The following PRKN variants were observed in gnomAD, a reference collection of about 807,000 sequenced individuals.
The protein encoded by PRKN is E3 ubiquitin-protein ligase parkin.
PRKN carries 56 observed loss-of-function variants against 59.5 expected under a neutral mutation model. The ratio of observed to expected loss-of-function variants is 0.94; its 90% CI spans 0.76 to 1.18. The LOEUF (loss-of-function observed/expected upper bound fraction) is 1.18, where lower values mean the gene tolerates loss of function less well. PRKN is among the 50% of genes most tolerant of loss of function. PRKN has a pLI of 0.00. For synonymous variants in PRKN, 250 were observed against 222.1 expected (o/e 1.13, Z -1.12); for missense variants, 657 against 596.4 (o/e 1.10, Z -1.06).
intron 2 of PRKN, among the ~76,000 whole-genome samples, chr6:162,343,609 A>G (rs1446589497): frequency 6.6e-6 from 1 of 152,198 alleles, no homozygotes; most frequent in East Asian, 1.9e-4. Flanking sequence ...CTTACATAGG[A>G]TCAAACAACA....
At position 161,529,265 on chromosome 6, in the gene PRKN, T is replaced by C. The variant is rs1211878667; in HGVS notation, c.1083+19589A>G. ...TGCCTTAGGGAAGGTGAGAAGACAA[T>C]GATGGGGATGATGTTGACACCTGGT... is the stretch of plus-strand genomic sequence containing the variant. On this transcript the variant is annotated intron_variant, in intron 9 of 11. Transcript: ENST00000366898. This position sits in a 1 kb window ranked among gnomAD's most constrained non-coding sequence, Gnocchi z 4.4. 2.0e-5 allele frequency among the ~76,000 whole-genome samples: 3 copies of C among 152,102 alleles called. No individual in the cohort carries two copies. Among genetic ancestry groups the C allele is most frequent in the Admixed American group, 1.3e-4 (2 of 15,274 alleles).
intron 7 of PRKN, among the ~76,000 whole-genome samples, chr6:161,673,860 C>A (rs1324221919): frequency 2.0e-5 from 3 of 152,066 alleles, no homozygotes; most frequent in Admixed American, 6.5e-5. Context: ...TGCTTGTGTC[C>A]ATTTATGGAG....
chr6:162,114,699 C>A (rs111367465), intron 4 of PRKN, among the ~76,000 whole-genome samples: 6,563 of 148,614 alleles, frequency 0.044, 205 homozygotes, highest in Middle Eastern at 0.062. Flanking sequence ...TGAACAGACA[C>A]TTCTCAAAAG....
intron 2 of PRKN, among the ~76,000 whole-genome samples, chr6:162,356,747 T>TAAAAAAAAAAAAAAAAAAAAAAAAAAAAA (rs748212596): frequency 4.1e-5 from 3 of 73,064 alleles, no homozygotes; most frequent in Non-Finnish European, 5.5e-5. Context: ...TGATTATTAG[T>TAAAAAAAAAAAAAAAAAAAAAAAAAAAAA]AAAAAAAAAA....
intron 1 of PRKN, among the ~76,000 whole-genome samples, chr6:162,675,168 C>A (rs1307913472): frequency 6.6e-6 from 1 of 151,802 alleles, no homozygotes. Flanking sequence ...CTGCCTCAGC[C>A]TCCAGAGTAG....
intron 7 of PRKN, among the ~76,000 whole-genome samples, chr6:161,632,050 T>C (rs1783333933): frequency 6.6e-6 from 1 of 152,208 alleles, no homozygotes; most frequent in South Asian, 2.1e-4. Context: ...TCAAAGTGCA[T>C]TAAAATAAGC....
In PRKN at chr6:162,571,767, C is replaced by T. The variant is rs142064369; in HGVS notation, c.8-128294G>A. ...TAGGAGGCAGGCAACATATGCTCAA[C>T]GAGGAAAGAGCCCAGAGGTGGCATA... On this transcript the variant is annotated intron_variant, in intron 1 of 11. Coordinates refer to ENST00000366898, the MANE Select transcript of PRKN (RefSeq NM_004562.3). 3.1e-3 allele frequency among the ~76,000 whole-genome samples: 476 copies of T among 151,944 alleles called. 1 individual carries two copies. Among genetic ancestry groups the T allele is most frequent in the Non-Finnish European group, 5.3e-3 (358 of 67,978 alleles).
chr6:162,450,429 T>TAAACGCC (rs1562774367), intron 1 of PRKN, among the ~76,000 whole-genome samples: 18 of 150,616 alleles, frequency 1.2e-4, no homozygotes, highest in African/African-American at 4.0e-4. Context: ...CCTGTGATTG[T>TAAACGCC]CTTCCTCCTG....
chr6:161,666,187 C>T (rs560346849), intron 7 of PRKN, among the ~76,000 whole-genome samples: 2 of 152,196 alleles, frequency 1.3e-5, no homozygotes, highest in South Asian at 2.1e-4. Flanking sequence ...CCCAACCTCC[C>T]GAGCCATGGA....
intron 1 of PRKN, among the ~76,000 whole-genome samples, chr6:162,491,688 T>C (rs1792822711): frequency 2.6e-5 from 4 of 152,152 alleles, no homozygotes. Flanking sequence ...AGAACCAGTC[T>C]TTTGGGCAGA....
chr6:162,163,511 C>G (rs971400412), intron 4 of PRKN, among the ~76,000 whole-genome samples: 2 of 149,164 alleles, frequency 1.3e-5, no homozygotes, highest in East Asian at 3.9e-4. Context: ...CCGAGGAGAA[C>G]AGAAACAGGG....
chr6:161,424,481 A>G (rs373578581), intron 9 of PRKN, among the ~76,000 whole-genome samples: 3 of 152,286 alleles, frequency 2.0e-5, no homozygotes, highest in African/African-American at 7.2e-5. Flanking sequence ...AAGCAAGGCA[A>G]AGAATTCATC....
intron 2 of PRKN, among the ~76,000 whole-genome samples, chr6:162,426,439 C>G (rs1789241390): frequency 6.6e-6 from 1 of 152,096 alleles, no homozygotes; most frequent in Non-Finnish European, 1.5e-5. Flanking sequence ...TGTTAAAGAC[C>G]TATATTTAAA....
intron 5 of PRKN, among the ~76,000 whole-genome samples, chr6:162,003,207 CAAAA>C (rs60792069): frequency 1.0e-4 from 13 of 124,976 alleles, no homozygotes; most frequent in Non-Finnish European, 1.4e-4. Context: ...AGGTTGTTGA[CAAAA>C]AAAAAAAAAA....
In PRKN at chr6:161,869,272, A is replaced by G. The variant is rs565061045; in HGVS notation, c.735-83364T>C. On this transcript the variant is annotated intron_variant, in intron 6 of 11. Coordinates refer to ENST00000366898, the MANE Select transcript of PRKN (RefSeq NM_004562.3). Reference sequence around the variant, plus strand: ...CGTGCACCTGTAATCCCAGCTACTCATGAGTCTGAGGCAGGAGAATTGCTG... The same window carrying G: ...CGTGCACCTGTAATCCCAGCTACTCGTGAGTCTGAGGCAGGAGAATTGCTG... Among the ~76,000 whole-genome samples, 171 of 152,174 alleles carry G rather than the reference A, an allele frequency of 1.1e-3. 1 individual carries two copies. The highest frequency in any genetic ancestry group is 4.1e-3 in the African/African-American group (169 of 41,536).
rs533789282 is a variant in PRKN, at chr6:162,379,928, G to A, written c.171+63382C>T. Among the ~76,000 whole-genome samples the A allele has an allele frequency of 2.0e-5, 3 of 152,260 alleles. No homozygotes were observed. In the South Asian group the frequency reaches 6.2e-4, roughly 32 times the overall value. On this transcript the variant is annotated intron_variant, in intron 2 of 11. Coordinates refer to ENST00000366898, the MANE Select transcript of PRKN (RefSeq NM_004562.3). ...AGAGGTTGAATTCCGAGGTGAACCAGTCATTCCAATCCAAGGGAGACAGCG... is the reference window on the plus strand; with the variant it reads ...AGAGGTTGAATTCCGAGGTGAACCAATCATTCCAATCCAAGGGAGACAGCG...
chr6:161,505,660 T>A (rs1161055269), intron 9 of PRKN, among the ~76,000 whole-genome samples: 2 of 148,178 alleles, frequency 1.3e-5, no homozygotes, highest in African/African-American at 5.1e-5. Context: ...TGGTTTTAGG[T>A]CTAACGTTTA....
intron 4 of PRKN, among the ~76,000 whole-genome samples, chr6:162,174,087 C>A (rs530120817): frequency 6.6e-6 from 1 of 152,248 alleles, no homozygotes; most frequent in East Asian, 1.9e-4. Flanking sequence ...ATGTAATGAG[C>A]AATCATTGGA....
rs1337108903 is a variant in PRKN, at chr6:161,475,131, A to G, written c.1083+73723T>C. ...AGGATGGTCTCGATCTCTTGACCTC[A>G]TGATCTGCCTGCCTCTCAAAGCGCT... On this transcript the variant is annotated intron_variant, in intron 9 of 11. Coordinates refer to ENST00000366898, the MANE Select transcript of PRKN (RefSeq NM_004562.3). This position sits in a 1 kb window ranked among gnomAD's most constrained non-coding sequence, Gnocchi z 5.3. Among the ~76,000 whole-genome samples the G allele has an allele frequency of 6.6e-6, 1 of 152,102 alleles. No homozygotes were observed. Among genetic ancestry groups the G allele is most frequent in the Non-Finnish European group, 1.5e-5 (1 of 68,006 alleles).
Sources: allele counts gnomAD v4.1 joint callset (sites outside exome capture counted in the v4.1 genomes callset), GRCh38; gene constraint gnomAD v4.1.1; non-coding constraint Gnocchi (gnomAD v3.1); transcripts MANE v1.5; gene names NCBI Gene and HGNC (gene_info 2026-07-23, HGNC 2026-07-21).